The following ZDHHC21 variants were observed in gnomAD, a reference collection of about 807,000 sequenced individuals.
ZDHHC21 encodes palmitoyltransferase ZDHHC21.
ZDHHC21 carries 15 observed loss-of-function variants against 34.6 expected under a neutral mutation model. That is an observed-to-expected ratio of 0.43 (90% CI 0.29 to 0.67). ZDHHC21 has a LOEUF of 0.67. Ranked by LOEUF, ZDHHC21 falls within the 30% of genes least tolerant of loss-of-function variation. The pLI is 0.14. For synonymous variants in ZDHHC21, 142 were observed against 101.8 expected (o/e 1.40, Z -2.38); for missense variants, 344 against 327.7 (o/e 1.05, Z -0.38).
chr9:14,596,231 A>T, the ZDHHC21 span, among the ~76,000 whole-genome samples: 1 of 152,220 alleles, frequency 6.6e-6, no homozygotes, highest in East Asian at 1.9e-4. Context: ...TTGGCTCAGC[A>T]ACAAAATGGA....
At chr9:14,620,368 G>T (rs532980107) in intron 8 of ZDHHC21, among the ~76,000 whole-genome samples, 3 of 151,718 alleles carry the variant, frequency 2.0e-5, no homozygotes, top group Admixed American at 6.6e-5. Flanking sequence ...TCATTAGACT[G>T]GCAAATTGTT....
chr9:14,628,583 A>AC (rs1554755870), intron 8 of ZDHHC21, among the ~76,000 whole-genome samples: 9 of 151,894 alleles, frequency 5.9e-5, no homozygotes, highest in African/African-American at 1.7e-4. Flanking sequence ...GTGCAAGAGT[A>AC]GGGAAAAAGT....
intron 2 of ZDHHC21, 90 bp downstream of exon 2, chr9:14,690,247 G>C: frequency 2.4e-6 from 1 of 421,138 alleles, no homozygotes; most frequent in Non-Finnish European, 4.7e-6. Context: ...GTTGGGGGTA[G>C]AAGACTAAAT....
chr9:14,664,939 G>A lies in ZDHHC21; in HGVS notation c.254-2613C>T, dbSNP rs1322754126. On this transcript the variant is annotated intron_variant, in intron 5 of 9. Transcript: ENST00000380916. ...AACTGGAAACTCTAAAATGCAGAGCGTCTCTCCTCCTCCAAAGGAACGCAG... is the reference window on the plus strand; with the variant it reads ...AACTGGAAACTCTAAAATGCAGAGCATCTCTCCTCCTCCAAAGGAACGCAG... Among the ~76,000 whole-genome samples, 34 of 151,158 alleles carry A rather than the reference G, an allele frequency of 2.2e-4. 1 individual carries two copies. Among genetic ancestry groups the A allele is most frequent in the Admixed American group, 1.4e-3 (21 of 15,152 alleles).
chr9:14,650,780 A>G (rs578035792), intron 7 of ZDHHC21, among the ~76,000 whole-genome samples: 1 of 151,962 alleles, frequency 6.6e-6, no homozygotes, highest in Non-Finnish European at 1.5e-5. Context: ...GTATCTTCCT[A>G]GCAGAAGAGT....
intron 5 of ZDHHC21, among the ~76,000 whole-genome samples, chr9:14,664,016 C>T (rs996520136): frequency 2.0e-5 from 3 of 152,106 alleles, no homozygotes; most frequent in Admixed American, 1.3e-4. Flanking sequence ...CCAAGATGGC[C>T]GAATAGGAAC....
chr9:14,637,010 T>C (rs1828422584), intron 8 of ZDHHC21, among the ~76,000 whole-genome samples: 1 of 151,404 alleles, frequency 6.6e-6, no homozygotes, highest in African/African-American at 2.4e-5. Context: ...AAAGCAAGAA[T>C]GAACCAAACC....
intron 8 of ZDHHC21, among the ~76,000 whole-genome samples, chr9:14,639,509 G>C (rs1229590783): frequency 6.6e-6 from 1 of 152,008 alleles, no homozygotes; most frequent in African/African-American, 2.4e-5. Context: ...GACTTGAAAT[G>C]TTCCTAATAT....
At chr9:14,640,240 C>G (rs1329090036) in intron 7 of ZDHHC21, among the ~76,000 whole-genome samples, 2 of 147,324 alleles carry the variant, frequency 1.4e-5, no homozygotes, top group Non-Finnish European at 3.0e-5. Context: ...GTTTACTACT[C>G]TACTGCATCA....
At chr9:14,639,538 C>A (rs1828938855) in intron 8 of ZDHHC21, among the ~76,000 whole-genome samples, 1 of 151,964 alleles carries the variant, frequency 6.6e-6, no homozygotes, top group Non-Finnish European at 1.5e-5. Flanking sequence ...GATAAATACT[C>A]AAGGTGATGG....
rs1833815029 is a variant in ZDHHC21 at position 14,663,644 on chromosome 9, T to C, written c.254-1318A>G. Among the ~76,000 whole-genome samples the C allele has an allele frequency of 2.0e-5, 3 of 152,216 alleles. No homozygotes were observed. The South Asian group carries it at 6.2e-4, about 32-fold the overall frequency. On this transcript the variant is annotated intron_variant, in intron 5 of 9. Coordinates refer to ENST00000380916, the MANE Select transcript of ZDHHC21 (RefSeq NM_178566.6). ...GCTGGACTTTTATATAGTAAAGCGTTGGGAAAATACTCCCACTACAGACAT... is the reference window on the plus strand; with the variant it reads ...GCTGGACTTTTATATAGTAAAGCGTCGGGAAAATACTCCCACTACAGACAT...
rs918520469 is a variant in ZDHHC21, at chr9:14,638,056, G to A, written c.621+1840C>T. ...AAATTTGTAAGTCAAAAAAGGGCCCGAATAGTCAAAAAAATCCTAAGCAAA... is the reference window on the plus strand; with the variant it reads ...AAATTTGTAAGTCAAAAAAGGGCCCAAATAGTCAAAAAAATCCTAAGCAAA... On this transcript the variant is annotated intron_variant, in intron 8 of 9. Coordinates refer to ENST00000380916, the MANE Select transcript of ZDHHC21 (RefSeq NM_178566.6). Among the ~76,000 whole-genome samples, 17 of 151,906 alleles carry A rather than the reference G, an allele frequency of 1.1e-4. 1 individual carries two copies. Among genetic ancestry groups the A allele is most frequent in the African/African-American group, 1.7e-4 (7 of 41,500 alleles).
At chr9:14,653,731 A>C (rs1376151581) in intron 7 of ZDHHC21, among the ~76,000 whole-genome samples, 1 of 152,002 alleles carries the variant, frequency 6.6e-6, no homozygotes, top group African/African-American at 2.4e-5. Context: ...ATAGACTATG[A>C]TGTGAGTGTT....
chr9:14,622,944 T>G (rs1162687742), intron 8 of ZDHHC21, among the ~76,000 whole-genome samples: 1 of 152,084 alleles, frequency 6.6e-6, no homozygotes, highest in African/African-American at 2.4e-5. Flanking sequence ...TGCTTCCAAG[T>G]CTGCTACACG....
chr9:14,608,443 T>A (rs1410092354), downstream of ZDHHC21, among the ~76,000 whole-genome samples: 1 of 152,120 alleles, frequency 6.6e-6, no homozygotes, highest in Non-Finnish European at 1.5e-5. Flanking sequence ...AGTATCTGAG[T>A]GCTTGGAATT....
chr9:14,630,032 G>C (rs1827054206), intron 8 of ZDHHC21, among the ~76,000 whole-genome samples: 1 of 152,140 alleles, frequency 6.6e-6, no homozygotes. Context: ...GCGACAGAGA[G>C]AGACTCCATC....
the ZDHHC21 span, chr9:14,589,653 C>A: frequency 1.3e-5 from 2 of 152,150 alleles, no homozygotes; most frequent in South Asian, 4.1e-4. Flanking sequence ...AAATTGGGAG[C>A]TGAACAATTT....
In ZDHHC21 at chr9:14,657,783, C is replaced by T. The variant is rs549557540; in HGVS notation, c.504+966G>A. ...TGTTTTTCATTAACACCACTAAACT[C>T]TACTTCTCTGTCGCTTAAAAAAATT... On this transcript the variant is annotated intron_variant, in intron 7 of 9. Transcript: ENST00000380916. Among the ~76,000 whole-genome samples the T allele has an allele frequency of 9.5e-4, 145 of 152,264 alleles. 4 individuals are homozygous for T. The South Asian group carries it at 0.028, about 29-fold the overall frequency.
At chr9:14,635,147 G>A (rs1203667246) in intron 8 of ZDHHC21, among the ~76,000 whole-genome samples, 1 of 152,044 alleles carries the variant, frequency 6.6e-6, no homozygotes, top group Non-Finnish European at 1.5e-5. Flanking sequence ...AAAGAAAAAA[G>A]CATTTAAAAA....
Sources: gnomAD v4.1 joint callset for allele counts (sites outside exome capture counted in the v4.1 genomes callset) on GRCh38, gnomAD v4.1.1 for gene constraint, MANE v1.5 for transcripts, NCBI Gene and HGNC (gene_info 2026-07-23, HGNC 2026-07-21) for gene names.